The following GRIP1 variants were observed in gnomAD, a reference collection of about 807,000 sequenced individuals.
The protein encoded by GRIP1 is glutamate receptor interacting protein 1.
GRIP1 carries 45 observed loss-of-function variants against 129.9 expected under a neutral mutation model. The observed-to-expected ratio is 0.35, with a 90% CI of 0.27 to 0.44. The LOEUF is 0.44. GRIP1 is among the 20% of genes least tolerant of loss of function. The pLI, the probability that GRIP1 is intolerant of heterozygous loss-of-function variation, is 1.00. For synonymous variants in GRIP1, 530 were observed against 520.8 expected, an observed-to-expected ratio of 1.02 and a Z score of -0.24; for missense variants, 1,196 against 1,396.8, an observed-to-expected ratio of 0.86 and a Z score of 2.29.
intron 1 of GRIP1, among the ~76,000 whole-genome samples, chr12:66,743,170 G>A (rs1009417661): frequency 1.3e-5 from 2 of 152,184 alleles, no homozygotes; most frequent in Non-Finnish European, 2.9e-5. Context: ...CCAGGGATTA[G>A]ATGGCATGCA....
intron 7 of GRIP1, among the ~76,000 whole-genome samples, chr12:66,506,467 A>G (rs1354763692): frequency 6.6e-6 from 1 of 152,226 alleles, no homozygotes; most frequent in Admixed American, 6.5e-5. Flanking sequence ...TCATTTATAT[A>G]AAGTTTAAAG....
intron 1 of GRIP1, among the ~76,000 whole-genome samples, chr12:66,738,453 C>T (rs2036680997): frequency 6.6e-6 from 1 of 152,026 alleles, no homozygotes; most frequent in South Asian, 2.1e-4. Flanking sequence ...GATCTCCTGA[C>T]CTTGTGATCT....
chr12:66,711,783 A>T (rs2035721162), intron 1 of GRIP1, among the ~76,000 whole-genome samples: 1 of 151,898 alleles, frequency 6.6e-6, no homozygotes, highest in Non-Finnish European at 1.5e-5. Flanking sequence ...CCACAATTAG[A>T]TCTCCATGAG....
chr12:66,432,597 A>G lies in GRIP1; in HGVS notation c.1719T>C (p.His573=), dbSNP rs1191595874. 2 of 1,604,830 alleles carry G rather than the reference A, an allele frequency of 1.2e-6. No individual in the cohort carries two copies. Among genetic ancestry groups the G allele is most frequent in the Admixed American group, 1.7e-5 (1 of 59,904 alleles). ...CATTGTGCTTCTTAGGCAGCTTTACATGAAATGTTCCACTACTTGGGATGA... is the reference window on the plus strand; with the variant it reads ...CATTGTGCTTCTTAGGCAGCTTTACGTGAAATGTTCCACTACTTGGGATGA... ...ESVIPSSGTF[H]VKLPKKHNVE... is the part of the protein sequence containing the mutation. The change falls in exon 14 of 25, where the codon CAT becomes CAC. Residue 573 remains histidine, a synonymous_variant. Coordinates refer to ENST00000359742, the MANE Select transcript of GRIP1 (RefSeq NM_001366722.1).
intron 2 of GRIP1, among the ~76,000 whole-genome samples, chr12:66,589,571 T>C (rs1007506816): frequency 3.9e-5 from 6 of 152,212 alleles, no homozygotes; most frequent in East Asian, 1.9e-4. Context: ...TAAGGTGACA[T>C]AGAAACCTTT....
rs559142838 is a variant in GRIP1, at chr12:66,595,182, A to G, written c.136+1665T>C. Among the ~76,000 whole-genome samples, 4 of 152,336 alleles carry G rather than the reference A, an allele frequency of 2.6e-5. No individual in the cohort carries two copies. In the East Asian group the frequency reaches 7.7e-4, roughly 29 times the overall value. On this transcript the variant is annotated intron_variant, in intron 2 of 24. Coordinates refer to ENST00000359742, the MANE Select transcript of GRIP1 (RefSeq NM_001366722.1). ...GGAAAACATCTCGTAAAACTCACCA[A>G]CAGTTAATGATTCCAGTGACTTTTA...
At chr12:66,617,286 GAAAAAAAAAA>G (rs63275262) in intron 1 of GRIP1, among the ~76,000 whole-genome samples, 5 of 104,052 alleles carry the variant, frequency 4.8e-5, no homozygotes, top group African/African-American at 1.7e-4. Flanking sequence ...CAGCCAACAA[GAAAAAAAAAA>G]AAAAAAAAAA....
chr12:66,918,895 T>G (rs1354633123), intron 1 of GRIP1, among the ~76,000 whole-genome samples: 1 of 152,132 alleles, frequency 6.6e-6, no homozygotes, highest in Non-Finnish European at 1.5e-5. Flanking sequence ...CATGAAAAAA[T>G]TATATTTTCA....
upstream of GRIP1, among the ~76,000 whole-genome samples, chr12:66,804,887 G>A (rs1206224689): frequency 6.6e-6 from 1 of 152,218 alleles, no homozygotes; most frequent in East Asian, 1.9e-4. Context: ...TGACAGGAGT[G>A]TGCAGTATGT....
chr12:66,925,264 G>A (rs951838068), intron 1 of GRIP1, among the ~76,000 whole-genome samples: 13 of 152,132 alleles, frequency 8.5e-5, no homozygotes, highest in African/African-American at 2.9e-4. Flanking sequence ...AAGTGAAAGC[G>A]AATAAGGAAG....
chr12:66,751,604 T>A (rs972661434), intron 1 of GRIP1, among the ~76,000 whole-genome samples: 1 of 152,134 alleles, frequency 6.6e-6, no homozygotes, highest in Non-Finnish European at 1.5e-5. Flanking sequence ...TGTGAACACC[T>A]CAAGGGCAGG....
chr12:66,965,549 TTGTGTGTGTGTGTGTGTGTGTGTG>T (rs368637185), intron 1 of GRIP1, among the ~76,000 whole-genome samples: 13 of 128,252 alleles, frequency 1.0e-4, no homozygotes, highest in East Asian at 2.7e-4. Flanking sequence ...AAAAGAAACA[TTGTGTGTGTGTGTGTGTGTGTGTG>T]TGTGTGTGTG....
At chr12:66,403,193 G>C (rs1278542877) in intron 16 of GRIP1, among the ~76,000 whole-genome samples, 2 of 152,064 alleles carry the variant, frequency 1.3e-5, no homozygotes, top group African/African-American at 4.8e-5. Context: ...TGGATGAATT[G>C]TGTAGTGGTG....
At chr12:66,632,287 G>A (rs1036170347) in intron 1 of GRIP1, among the ~76,000 whole-genome samples, 1 of 152,160 alleles carries the variant, frequency 6.6e-6, no homozygotes, top group Non-Finnish European at 1.5e-5. Flanking sequence ...AAGGTCACAA[G>A]GCAAGTAGGG....
chr12:66,710,646 G>A (rs565147453), intron 1 of GRIP1, among the ~76,000 whole-genome samples: 11 of 151,904 alleles, frequency 7.2e-5, no homozygotes, highest in Non-Finnish European at 1.3e-4. Context: ...ATACAAAGAA[G>A]AAATTCAACT....
chr12:66,517,052 T>C (rs1243175966), intron 6 of GRIP1, among the ~76,000 whole-genome samples: 1 of 152,196 alleles, frequency 6.6e-6, no homozygotes, highest in Non-Finnish European at 1.5e-5. Context: ...GCTTAATAAA[T>C]AATGGTTATT....
At chr12:66,693,856 G>A (rs2136323688) in intron 1 of GRIP1, among the ~76,000 whole-genome samples, 1 of 152,234 alleles carries the variant, frequency 6.6e-6, no homozygotes, top group South Asian at 2.1e-4. Flanking sequence ...CTATGCTCAG[G>A]AAGAGTAAAT....
In GRIP1 at chr12:66,353,427, C is replaced by T. The variant is rs1427324035; in HGVS notation, c.3149G>A (p.Arg1050Lys). The change falls in exon 24 of 25, where the codon AGG becomes AAG. Residue 1050 changes from arginine (R) to lysine (K), a missense_variant. Arg to Lys is a conservative substitution (Grantham distance 26, BLOSUM62 2). Transcript: ENST00000359742. Reference sequence around the variant, plus strand: ...CACCTGAGGTCTTACCTGTAAGAGCCTGTCATAGGGCTTTAAGCCACCAAG... The same window carrying T: ...CACCTGAGGTCTTACCTGTAAGAGCTTGTCATAGGGCTTTAAGCCACCAAG... The part of the protein sequence containing the change: ...GDLGGLKPYD[R>K]LLQVNHVRTR... 1 of 1,611,464 alleles carries T rather than the reference C, an allele frequency of 6.2e-7. No homozygotes were observed. The highest frequency in any genetic ancestry group is 1.3e-5 in the African/African-American group (1 of 74,986).
chr12:66,598,673 C>G (rs986838901), intron 1 of GRIP1, among the ~76,000 whole-genome samples: 1 of 152,166 alleles, frequency 6.6e-6, no homozygotes, highest in South Asian at 2.1e-4. Context: ...TGTATTAAAA[C>G]CTGGGATTCT....
Sources: gnomAD v4.1 joint callset for allele counts (sites outside exome capture counted in the v4.1 genomes callset) on GRCh38, gnomAD v4.1.1 for gene constraint, MANE v1.5 for transcripts, NCBI Gene and HGNC (gene_info 2026-07-23, HGNC 2026-07-21) for gene names.